USH1C: variants seen among roughly 807,000 people sequenced by gnomAD.
The protein encoded by USH1C is harmonin.
In USH1C, 90 loss-of-function variants were observed where a neutral mutation model predicts 119.3. The ratio of observed to expected loss-of-function variants is 0.75; its 90% confidence interval spans 0.64 to 0.90. The LOEUF is 0.90. Ranked by LOEUF, USH1C falls within the 40% of genes least tolerant of loss-of-function variation. The pLI, the probability that USH1C is intolerant of heterozygous loss-of-function variation, is 0.00. For missense variants in USH1C, 1,165 were observed against 1,167.7 expected, an observed-to-expected ratio of 1.00 and a Z score of 0.03; for synonymous variants, 465 against 443.3, an observed-to-expected ratio of 1.05 and a Z score of -0.62.
chr11:17,500,429 G>A (rs1181940862), intron 23 of USH1C, among the ~76,000 whole-genome samples: 1 of 152,192 alleles, frequency 6.6e-6, no homozygotes, highest in East Asian at 1.9e-4. Context: ...TGCTTTCAGG[G>A]TTGTTGTGAG....
At chr11:17,544,164 A>G (rs1248792757) in intron 1 of USH1C, 108 bp downstream of exon 1, 1 of 1,455,420 alleles carries the variant, frequency 6.9e-7, no homozygotes, top group African/African-American at 1.4e-5. Context: ...AACCAGAGCC[A>G]TCAGGTGGGG....
intron 1 of USH1C, among the ~76,000 whole-genome samples, chr11:17,537,207 T>C: frequency 6.6e-6 from 1 of 152,184 alleles, no homozygotes. Context: ...TTTCCAATAT[T>C]AAAAAATTAT....
chr11:17,523,734 T>C (rs779327993), intron 9 of USH1C, among the ~76,000 whole-genome samples: 26 of 152,240 alleles, frequency 1.7e-4, no homozygotes, highest in Non-Finnish European at 3.8e-4. Flanking sequence ...TTCATTTCTT[T>C]GGCTAAATTT....
intron 1 of USH1C, among the ~76,000 whole-genome samples, chr11:17,538,654 C>A (rs1394199664): frequency 6.6e-6 from 1 of 152,200 alleles, no homozygotes; most frequent in Non-Finnish European, 1.5e-5. Flanking sequence ...TCCTTTCATG[C>A]CTCCAGCCTT....
chr11:17,527,271 C>A lies in USH1C; in HGVS notation c.448G>T (p.Val150Phe). ...TTCTTGGTTCGAATGAGGTTGATGA[C>A]CTCCTCATGGGTACAGGAGGAGATG... Reference protein sequence around the residue: ...YSISSCTHEEVINLIRTKKTV... With the variant: ...YSISSCTHEEFINLIRTKKTV... Residue 150 changes from valine to phenylalanine, a missense_variant, in exon 5 of 27, where the codon GTC (valine) becomes TTC (phenylalanine). Transcript: ENST00000005226. 1 of 1,612,504 alleles carries A rather than the reference C, an allele frequency of 6.2e-7. No individual in the cohort carries two copies. Among genetic ancestry groups the A allele is most frequent in the Non-Finnish European group, 8.5e-7 (1 of 1,179,618 alleles).
At position 17,509,592 on chromosome 11, in the gene USH1C, A is replaced by G. The variant is rs1216339232; in HGVS notation, c.1777T>C (p.Ser593Pro). The G allele has an allele frequency of 6.4e-6, 10 of 1,571,054 alleles. No individual in the cohort carries two copies. Among genetic ancestry groups the G allele is most frequent in the African/African-American group, 6.0e-5 (4 of 66,126 alleles). ...GGTGGAGTGCGCTGCACCCATGGAG[A>G]GGATGAGGCGCTCACATGGCCAGAT... ...PLSGHVSASS[S>P]PWVQRTPPPI... Residue 593 changes from serine (S) to proline (P), a missense_variant, in exon 18 of 27, where the codon TCT becomes CCT. Ser to Pro is a moderately conservative substitution (Grantham distance 74, BLOSUM62 -1). Coordinates refer to ENST00000005226, the MANE Select transcript of USH1C (RefSeq NM_153676.4).
rs140982836 is a variant in USH1C at position 17,510,519 on chromosome 11, C to G, written c.1416G>C (p.Val472=). ...QLKINRLAQE[V]SETEREDLEE... Reference sequence around the variant, plus strand: ...CAAGGTCTTCCCGCTCTGTCTCAGACACCTGGGACCCAGGATCGGCGCAGA... The same window carrying G: ...CAAGGTCTTCCCGCTCTGTCTCAGAGACCTGGGACCCAGGATCGGCGCAGA... Residue 472 remains valine (V), a splice_region_variant and synonymous_variant, in exon 17 of 27, where the codon GTG becomes GTC. Transcript: ENST00000005226. 1 of 1,611,966 alleles carries G rather than the reference C, an allele frequency of 6.2e-7. No individual in the cohort carries two copies. Among genetic ancestry groups the G allele is most frequent in the East Asian group, 2.2e-5 (1 of 44,874 alleles).
At chr11:17,535,514 G>A (rs1427155670) in intron 1 of USH1C, among the ~76,000 whole-genome samples, 1 of 152,108 alleles carries the variant, frequency 6.6e-6, no homozygotes, top group African/African-American at 2.4e-5. Context: ...TGTTTTCTCT[G>A]TCACCTTCGC....
intron 1 of USH1C, among the ~76,000 whole-genome samples, chr11:17,534,964 G>A (rs1242719137): frequency 6.6e-6 from 1 of 151,416 alleles, no homozygotes; most frequent in Non-Finnish European, 1.5e-5. Context: ...GTGGGAGGCT[G>A]GCCTTTCGCA....
chr11:17,502,391 C>T (rs2133790304), intron 20 of USH1C, among the ~76,000 whole-genome samples: 1 of 152,310 alleles, frequency 6.6e-6, no homozygotes, highest in Non-Finnish European at 1.5e-5. Context: ...GGATGAAGCC[C>T]AAGGTGTCTC....
At chr11:17,523,782 G>C (rs921668845) in intron 9 of USH1C, among the ~76,000 whole-genome samples, 1 of 152,192 alleles carries the variant, frequency 6.6e-6, no homozygotes. Context: ...TTGCAGATGC[G>C]GGAACCTTTG....
At chr11:17,498,942 A>G (rs1849340836) in intron 23 of USH1C, among the ~76,000 whole-genome samples, 1 of 152,234 alleles carries the variant, frequency 6.6e-6, no homozygotes, top group Non-Finnish European at 1.5e-5. Context: ...AATGCCTGAC[A>G]CAAAATAGGA....
chr11:17,539,186 G>A lies in USH1C; in HGVS notation c.36+5086C>T, dbSNP rs187564675. Among the ~76,000 whole-genome samples, 550 of 152,174 alleles carry A rather than the reference G, an allele frequency of 3.6e-3. 1 individual carries two copies. Among genetic ancestry groups the A allele is most frequent in the Non-Finnish European group, 6.4e-3 (433 of 68,016 alleles). On this transcript the variant is annotated intron_variant, in intron 1 of 26. Transcript: ENST00000005226. ...GTCTTTCCTTAGGCTCCCACACAAA[G>A]CTGGCCACATCTTTCTCTGTGCACA...
At chr11:17,538,293 T>A (rs942868335) in intron 1 of USH1C, among the ~76,000 whole-genome samples, 4 of 152,110 alleles carry the variant, frequency 2.6e-5, no homozygotes, top group African/African-American at 9.7e-5. Flanking sequence ...ACAGGGAGCA[T>A]CTCCACCCTC....
In USH1C at chr11:17,502,137, G is replaced by T. The variant is rs555278886; in HGVS notation, c.2185-157C>A. ...GGTACGGGATGCAGACAGGAGGCCGGCAGCCCTAGCAGCCAGGGCACCCCT... is the reference window on the plus strand; with the variant it reads ...GGTACGGGATGCAGACAGGAGGCCGTCAGCCCTAGCAGCCAGGGCACCCCT... On this transcript the variant is annotated intron_variant, in intron 20 of 26. Transcript: ENST00000005226. 5.6e-5 allele frequency: 36 copies of T among 640,136 alleles called. No homozygotes were observed. The South Asian group carries it at 7.4e-4, about 13-fold the overall frequency. 39.7% of individuals were successfully genotyped at this position (640,136 alleles called of 1,614,324 possible).
rs745721924 is a variant in USH1C, at chr11:17,495,572, G to A, written c.2652C>T (p.Pro884=). The change falls in exon 26 of 27, where the codon CCC becomes CCT. Residue 884 remains proline, a synonymous_variant. Transcript: ENST00000005226. ...TGTGGCCCGCCTGCCTATTCACCGT[G>A]GGCTCCAGCTGCAGGAGGAACCCGT... is the stretch of plus-strand genomic sequence containing the variant. ...HRHGFLLQLE[P]TDLLLKSKRG... The A allele has an allele frequency of 6.2e-7, 1 of 1,614,024 alleles. No homozygotes were observed. Among genetic ancestry groups the A allele is most frequent in the Non-Finnish European group, 8.5e-7 (1 of 1,179,994 alleles).
At chr11:17,503,767 T>C (rs1288113869) in intron 20 of USH1C, among the ~76,000 whole-genome samples, 1 of 152,236 alleles carries the variant, frequency 6.6e-6, no homozygotes, top group Non-Finnish European at 1.5e-5. Flanking sequence ...TTTTCAAATC[T>C]CTCTGCCTCA....
chr11:17,496,107 A>T (rs1439900652), intron 25 of USH1C, among the ~76,000 whole-genome samples: 1 of 152,004 alleles, frequency 6.6e-6, no homozygotes, highest in African/African-American at 2.4e-5. Context: ...AATAGGAGAC[A>T]GTGAGAGAGA....
intron 1 of USH1C, among the ~76,000 whole-genome samples, chr11:17,534,686 C>T (rs1020469067): frequency 6.6e-6 from 1 of 152,124 alleles, no homozygotes; most frequent in Non-Finnish European, 1.5e-5. Flanking sequence ...ACCAGCCTCG[C>T]TAACATGGCA....
Sources: allele counts gnomAD v4.1 joint callset (sites outside exome capture counted in the v4.1 genomes callset), GRCh38; gene constraint gnomAD v4.1.1; transcripts MANE v1.5; gene names NCBI Gene and HGNC (gene_info 2026-07-23, HGNC 2026-07-21).